Variants in UNC13C observed in about 807,000 individuals in gnomAD.
The protein encoded by UNC13C is unc-13 homolog C.
In UNC13C, 174 loss-of-function variants were observed where a neutral mutation model predicts 245.4. That is an observed-to-expected ratio of 0.71 (90% confidence interval 0.63 to 0.80). The LOEUF (loss-of-function observed/expected upper bound fraction) is 0.80, where lower values mean the gene tolerates loss of function less well. UNC13C is among the 30% of genes least tolerant of loss of function. The probability of loss-of-function intolerance (pLI) is 0.00; values close to 1 mark genes in which losing one functional copy is unlikely to be tolerated. For synonymous variants in UNC13C, 992 were observed against 895.1 expected (o/e 1.11, Z -1.93); for missense variants, 2,829 against 2,602.9 (o/e 1.09, Z -1.89).
chr15:54,283,193 C>A (rs1347936439), intron 10 of UNC13C, among the ~76,000 whole-genome samples: 1 of 152,132 alleles, frequency 6.6e-6, no homozygotes, highest in Non-Finnish European at 1.5e-5. Flanking sequence ...GTTTCACCTG[C>A]TACACAACCC....
intron 4 of UNC13C, among the ~76,000 whole-genome samples, chr15:54,146,088 A>G (rs1243795847): frequency 1.3e-5 from 2 of 152,212 alleles, no homozygotes; most frequent in Non-Finnish European, 2.9e-5. Flanking sequence ...CCTGAAGGGT[A>G]CGTTTACATA....
At chr15:54,037,220 T>A (rs976210757) in intron 2 of UNC13C, among the ~76,000 whole-genome samples, 7 of 152,232 alleles carry the variant, frequency 4.6e-5, no homozygotes, top group African/African-American at 1.7e-4. Context: ...CTACATAATT[T>A]TGCAGGTTTC....
At chr15:54,528,187 C>T (rs1253361576) in intron 25 of UNC13C, among the ~76,000 whole-genome samples, 1 of 152,124 alleles carries the variant, frequency 6.6e-6, no homozygotes, top group Non-Finnish European at 1.5e-5. Flanking sequence ...GCTCACAGGG[C>T]ACCTACCTGG....
At chr15:54,464,090 T>A (rs565630862) in intron 19 of UNC13C, among the ~76,000 whole-genome samples, 2 of 152,328 alleles carry the variant, frequency 1.3e-5, no homozygotes, top group African/African-American at 4.8e-5. Flanking sequence ...CATGTAAGAT[T>A]TCCATTAACA....
intron 2 of UNC13C, among the ~76,000 whole-genome samples, chr15:54,039,618 A>G (rs1896729739): frequency 6.7e-6 from 1 of 149,538 alleles, no homozygotes; most frequent in African/African-American, 2.5e-5. Flanking sequence ...ATGGTTGTAT[A>G]TTTTCCTACT....
chr15:53,862,728 C>T, the UNC13C span, among the ~76,000 whole-genome samples: 44 of 152,214 alleles, frequency 2.9e-4, no homozygotes, highest in East Asian at 1.5e-3. Flanking sequence ...GGAGACAGAG[C>T]GAAAGCAATC....
At chr15:54,369,851 C>T (rs973953257) in intron 17 of UNC13C, among the ~76,000 whole-genome samples, 20 of 152,054 alleles carry the variant, frequency 1.3e-4, no homozygotes, top group East Asian at 3.9e-4. Flanking sequence ...CTTCTAATAA[C>T]GCATCTCGCT....
intron 19 of UNC13C, among the ~76,000 whole-genome samples, chr15:54,482,575 C>G (rs1034208318): frequency 5.9e-5 from 5 of 84,248 alleles, no homozygotes; most frequent in African/African-American, 2.3e-4. Context: ...ACTTCTCTCT[C>G]CTTCCTCGCC....
At chr15:54,240,547 A>T (rs924232189) in intron 7 of UNC13C, among the ~76,000 whole-genome samples, 2 of 152,200 alleles carry the variant, frequency 1.3e-5, no homozygotes, top group African/African-American at 4.8e-5. Context: ...GACAGAACAG[A>T]CACTAATGCC....
chr15:54,324,895 C>T (rs2038255302), intron 14 of UNC13C, among the ~76,000 whole-genome samples: 1 of 152,036 alleles, frequency 6.6e-6, no homozygotes, highest in South Asian at 2.1e-4. Flanking sequence ...CCACATGCAG[C>T]CCAGAGTGGC....
intron 4 of UNC13C, among the ~76,000 whole-genome samples, chr15:54,218,220 C>G (rs999048327): frequency 2.6e-5 from 4 of 151,956 alleles, no homozygotes; most frequent in Non-Finnish European, 5.9e-5. Flanking sequence ...GTTTACCTTT[C>G]AACCCACACA....
At chr15:54,341,660 A>G (rs936679633) in intron 17 of UNC13C, among the ~76,000 whole-genome samples, 3 of 152,218 alleles carry the variant, frequency 2.0e-5, no homozygotes, top group Non-Finnish European at 2.9e-5. Context: ...ACCTATAACC[A>G]TGTTAACATT....
intron 17 of UNC13C, among the ~76,000 whole-genome samples, chr15:54,368,337 T>C (rs1333624017): frequency 1.3e-5 from 2 of 152,120 alleles, no homozygotes; most frequent in African/African-American, 2.4e-5. Flanking sequence ...TCCTTTCCCA[T>C]AGGAGCCTTT....
chr15:54,323,267 G>A (rs957727874), intron 14 of UNC13C, among the ~76,000 whole-genome samples: 2 of 152,006 alleles, frequency 1.3e-5, no homozygotes, highest in Non-Finnish European at 2.9e-5. Flanking sequence ...TCCTCTGAAA[G>A]AGAAATGCAT....
intron 8 of UNC13C, among the ~76,000 whole-genome samples, chr15:54,251,133 A>G (rs2036142112): frequency 6.6e-6 from 1 of 152,130 alleles, no homozygotes; most frequent in African/African-American, 2.4e-5. Flanking sequence ...GGTTCCCCAA[A>G]CAGGGATCAA....
At chr15:54,134,081 A>G (rs1024296664) in intron 2 of UNC13C, among the ~76,000 whole-genome samples, 2 of 138,666 alleles carry the variant, frequency 1.4e-5, no homozygotes, top group Admixed American at 7.3e-5. Context: ...TGTGGTGAGG[A>G]CACTTATGTA....
At chr15:54,170,700 A>C (rs903678323) in intron 4 of UNC13C, among the ~76,000 whole-genome samples, 1 of 152,192 alleles carries the variant, frequency 6.6e-6, no homozygotes, top group African/African-American at 2.4e-5. Context: ...GATGGCGCTC[A>C]GAAGGTACGA....
chr15:54,072,303 A>G (rs1327844595), intron 2 of UNC13C, among the ~76,000 whole-genome samples: 1 of 152,178 alleles, frequency 6.6e-6, no homozygotes, highest in Non-Finnish European at 1.5e-5. Context: ...ATTTAGAAAA[A>G]TCTGTATTTT....
chr15:54,321,917 C>G, intron 13 of UNC13C, 22 bp from the exon 14 acceptor site: 1 of 1,547,104 alleles, frequency 6.5e-7, no homozygotes, highest in Non-Finnish European at 8.7e-7. Flanking sequence ...CTTAAAAACA[C>G]TTTATGTTTT....
Sources: allele counts gnomAD v4.1 joint callset (sites outside exome capture counted in the v4.1 genomes callset), GRCh38; gene constraint gnomAD v4.1.1; transcripts MANE v1.5; gene names NCBI Gene and HGNC (gene_info 2026-07-23, HGNC 2026-07-21).